Variants in MAGI2 observed in about 807,000 individuals in gnomAD.
MAGI2 encodes membrane associated guanylate kinase, WW and PDZ domain containing 2.
A neutral mutation model predicts 133.3 loss-of-function variants in MAGI2; 35 were observed. The ratio of observed to expected loss-of-function variants is 0.26; its 90% confidence interval spans 0.20 to 0.35. The LOEUF (loss-of-function observed/expected upper bound fraction) is 0.35, where lower values mean the gene tolerates loss of function less well. Ranked by LOEUF, MAGI2 falls within the 10% of genes least tolerant of loss-of-function variation. The pLI, the probability that MAGI2 is intolerant of heterozygous loss-of-function variation, is 1.00. For missense variants in MAGI2, 1,636 were observed against 1,863.4 expected (o/e 0.88, Z 2.25); for synonymous variants, 729 against 710.6 (o/e 1.03, Z -0.41).
chr7:79,224,359 T>G (rs1257999369), intron 1 of MAGI2, among the ~76,000 whole-genome samples: 5 of 152,056 alleles, frequency 3.3e-5, no homozygotes, highest in Non-Finnish European at 7.3e-5. Context: ...GTCTTTTTGC[T>G]TCCTCCTTTC....
At chr7:79,203,781 A>G (rs1230122804) in intron 1 of MAGI2, among the ~76,000 whole-genome samples, 2 of 152,026 alleles carry the variant, frequency 1.3e-5, no homozygotes, top group Non-Finnish European at 2.9e-5. Context: ...ATGCACACAA[A>G]ATATCTCCAA....
intron 4 of MAGI2, among the ~76,000 whole-genome samples, chr7:78,506,092 G>A (rs1795059216): frequency 6.6e-6 from 1 of 152,174 alleles, no homozygotes; most frequent in African/African-American, 2.4e-5. Flanking sequence ...TAACTATTCT[G>A]GGGATTTGAG....
chr7:78,779,317 G>A (rs1377093501), intron 2 of MAGI2, among the ~76,000 whole-genome samples: 1 of 152,126 alleles, frequency 6.6e-6, no homozygotes, highest in Non-Finnish European at 1.5e-5. Flanking sequence ...TAGTTCACCT[G>A]ACATTTGCCT....
chr7:78,909,279 G>A (rs1584358686), intron 2 of MAGI2, among the ~76,000 whole-genome samples: 1 of 151,886 alleles, frequency 6.6e-6, no homozygotes, highest in East Asian at 1.9e-4. Context: ...ACCATCTCAT[G>A]TCAGAATGGC....
rs550168512 is a variant in MAGI2 at position 79,209,533 on chromosome 7, T to C, written c.302-202327A>G. Among the ~76,000 whole-genome samples, 5 of 152,108 alleles carry C rather than the reference T, an allele frequency of 3.3e-5. No individual in the cohort carries two copies. The South Asian group carries it at 1.0e-3, about 32-fold the overall frequency. ...CTAGCAATGCCAAAATGCTTGTGAT[T>C]CTCTAAAAGCACCACCATATCCCAC... On this transcript the variant is annotated intron_variant, in intron 1 of 21. Transcript: ENST00000354212.
chr7:78,643,872 C>A (rs1419352205), intron 2 of MAGI2, among the ~76,000 whole-genome samples: 3 of 151,598 alleles, frequency 2.0e-5, no homozygotes, highest in African/African-American at 7.3e-5. Context: ...ACACACACAC[C>A]CCCACACACA....
intron 1 of MAGI2, among the ~76,000 whole-genome samples, chr7:79,258,583 A>G (rs186933678): frequency 6.6e-5 from 10 of 152,326 alleles, no homozygotes; most frequent in African/African-American, 2.4e-4. Context: ...GCCTGCATCA[A>G]CTGATTTCAT....
chr7:79,138,821 T>C (rs758483058), intron 1 of MAGI2, among the ~76,000 whole-genome samples: 12 of 151,852 alleles, frequency 7.9e-5, no homozygotes, highest in Admixed American at 2.0e-4. Flanking sequence ...CTGGCTAACA[T>C]GGTGAAACCC....
At chr7:78,230,191 C>T (rs1309219616) in intron 10 of MAGI2, among the ~76,000 whole-genome samples, 2 of 152,204 alleles carry the variant, frequency 1.3e-5, no homozygotes, top group Admixed American at 1.3e-4. Context: ...CCCTAACACT[C>T]GAGGGCACTG....
At chr7:78,652,331 C>G (rs932777117) in intron 2 of MAGI2, among the ~76,000 whole-genome samples, 6 of 152,128 alleles carry the variant, frequency 3.9e-5, no homozygotes, top group African/African-American at 1.2e-4. Context: ...AGACAATAAT[C>G]TATTCAATAC....
chr7:79,207,604 G>A (rs907355392), intron 1 of MAGI2, among the ~76,000 whole-genome samples: 1 of 151,754 alleles, frequency 6.6e-6, no homozygotes, highest in Non-Finnish European at 1.5e-5. Context: ...TGGATTGGAA[G>A]AATCAATATT....
intron 9 of MAGI2, among the ~76,000 whole-genome samples, chr7:78,283,418 AAAG>A (rs1488935859): frequency 1.3e-5 from 2 of 152,114 alleles, no homozygotes; most frequent in East Asian, 1.9e-4. Flanking sequence ...ATTTGCCAAG[AAAG>A]AAGGTCAGTC....
At chr7:78,707,412 T>C (rs921389906) in intron 2 of MAGI2, among the ~76,000 whole-genome samples, 3 of 152,124 alleles carry the variant, frequency 2.0e-5, no homozygotes, top group African/African-American at 7.2e-5. Context: ...AATATGATTT[T>C]TAGTGTAATT....
chr7:79,196,332 C>T (rs563853598), intron 1 of MAGI2, among the ~76,000 whole-genome samples: 73 of 151,980 alleles, frequency 4.8e-4, no homozygotes, highest in Middle Eastern at 3.4e-3. Flanking sequence ...AGTTAAGTAA[C>T]ATGTACCCAC....
chr7:78,727,893 A>T (rs415085), intron 2 of MAGI2, among the ~76,000 whole-genome samples: 2 of 152,146 alleles, frequency 1.3e-5, no homozygotes, highest in African/African-American at 2.4e-5. Context: ...AAGTCCCTGC[A>T]CACAAAGAGC....
At chr7:79,312,728 G>A (rs994869617) in intron 1 of MAGI2, among the ~76,000 whole-genome samples, 4 of 152,144 alleles carry the variant, frequency 2.6e-5, no homozygotes, top group African/African-American at 7.2e-5. Context: ...ACAAAAAATA[G>A]TTCTTGAAAG....
chr7:78,682,297 G>A lies in MAGI2; in HGVS notation c.419-55058C>T, dbSNP rs568753450. 7.9e-4 allele frequency among the ~76,000 whole-genome samples: 120 copies of A among 151,296 alleles called. No homozygotes were observed. In the South Asian group the frequency reaches 0.016, roughly 21 times the overall value. Reference sequence around the variant, plus strand: ...GTGCAGATTTGTTACATAGGTATACGTGTGCCATGGTGGTTTGCTGCACCA... The same window carrying A: ...GTGCAGATTTGTTACATAGGTATACATGTGCCATGGTGGTTTGCTGCACCA... On this transcript the variant is annotated intron_variant, in intron 2 of 21. Transcript: ENST00000354212.
intron 10 of MAGI2, among the ~76,000 whole-genome samples, chr7:78,225,572 T>C (rs1439023063): frequency 1.3e-5 from 2 of 152,212 alleles, no homozygotes; most frequent in Non-Finnish European, 2.9e-5. Flanking sequence ...GCACTTACTA[T>C]GTATCTGGCT....
At position 78,233,406 on chromosome 7, in the gene MAGI2, C is replaced by G. The variant is rs76163853; in HGVS notation, c.2047+22537G>C. On this transcript the variant is annotated intron_variant, in intron 10 of 21. Coordinates refer to ENST00000354212, the MANE Select transcript of MAGI2 (RefSeq NM_012301.4). ...AATATTCATTCGACAAATAGAAAGT[C>G]AACAGAGAGAGCATTTTCAATAGTG... 6.6e-3 allele frequency among the ~76,000 whole-genome samples: 1,007 copies of G among 152,168 alleles called. 27 individuals carry two copies. Among genetic ancestry groups the G allele is most frequent in the East Asian group, 0.053 (274 of 5,186 alleles).
Sources: gnomAD v4.1 joint callset for allele counts (sites outside exome capture counted in the v4.1 genomes callset) on GRCh38, gnomAD v4.1.1 for gene constraint, MANE v1.5 for transcripts, NCBI Gene and HGNC (gene_info 2026-07-23, HGNC 2026-07-21) for gene names.